SLIT3: variants seen among roughly 807,000 people sequenced by gnomAD.
The protein encoded by SLIT3 is slit homolog 3 protein.
A neutral mutation model predicts 184.0 loss-of-function variants in SLIT3; 68 were observed. That is an observed-to-expected ratio of 0.37 (90% CI 0.30 to 0.45). SLIT3 has a LOEUF of 0.45. Among genes scored for constraint, SLIT3 ranks in the 20% least tolerant of loss-of-function variants. SLIT3 has a pLI of 1.00. For synonymous variants in SLIT3, 831 were observed against 828.6 expected (o/e 1.00, Z -0.05); for missense variants, 1,707 against 2,026.0 (o/e 0.84, Z 3.02).
At chr5:169,084,615 T>G (rs548768526) in intron 4 of SLIT3, among the ~76,000 whole-genome samples, 1 of 152,204 alleles carries the variant, frequency 6.6e-6, no homozygotes, top group African/African-American at 2.4e-5. Flanking sequence ...GCCTCAAAAT[T>G]GGGATATTTT....
At chr5:169,007,597 T>A (rs978543500) in intron 4 of SLIT3, among the ~76,000 whole-genome samples, 1 of 152,250 alleles carries the variant, frequency 6.6e-6, no homozygotes, top group Non-Finnish European at 1.5e-5. Flanking sequence ...ATAGTCTGCA[T>A]GTGTTTGCCT....
intron 4 of SLIT3, among the ~76,000 whole-genome samples, chr5:169,039,061 G>T (rs371586075): frequency 1.2e-3 from 176 of 151,842 alleles, no homozygotes; most frequent in East Asian, 5.0e-3. Context: ...CTTTTTTTTT[G>T]ATTATACTTT....
At chr5:169,003,654 G>A (rs1362106592) in intron 4 of SLIT3, among the ~76,000 whole-genome samples, 1 of 152,190 alleles carries the variant, frequency 6.6e-6, no homozygotes, top group Non-Finnish European at 1.5e-5. Context: ...TCTCACCCAT[G>A]GCCTGCAATT....
chr5:168,704,360 C>G (rs1762315256), intron 26 of SLIT3, among the ~76,000 whole-genome samples: 1 of 152,174 alleles, frequency 6.6e-6, no homozygotes, highest in South Asian at 2.1e-4. Context: ...AGGCAAAGTA[C>G]ACACACAGCC....
chr5:168,913,772 A>G (rs796675233), intron 4 of SLIT3, among the ~76,000 whole-genome samples: 9 of 151,914 alleles, frequency 5.9e-5, no homozygotes, highest in African/African-American at 2.2e-4. Context: ...AAAAACAAAC[A>G]AACAAAAAAT....
intron 5 of SLIT3, among the ~76,000 whole-genome samples, chr5:168,854,014 G>A (rs541664879): frequency 6.6e-6 from 1 of 152,270 alleles, no homozygotes; most frequent in South Asian, 2.1e-4. Flanking sequence ...ACTTCAGAGA[G>A]TAGGACGAAT....
chr5:169,059,678 T>A (rs1001962900), intron 4 of SLIT3, among the ~76,000 whole-genome samples: 2 of 152,190 alleles, frequency 1.3e-5, no homozygotes, highest in Non-Finnish European at 2.9e-5. Context: ...CTTTAAAAAC[T>A]AAATGTCTGA....
chr5:169,076,369 A>G (rs1039590935), intron 4 of SLIT3, among the ~76,000 whole-genome samples: 1 of 152,192 alleles, frequency 6.6e-6, no homozygotes, highest in African/African-American at 2.4e-5. Flanking sequence ...TTCAGTAAAT[A>G]TTAGTAAAAT....
At position 168,723,007 on chromosome 5, in the gene SLIT3, A is replaced by T. The variant is rs766688480; in HGVS notation, c.2340-3T>A. 6.2e-7 allele frequency: 1 copy of T among 1,612,948 alleles called. No homozygotes were observed. Among genetic ancestry groups the T allele is most frequent in the East Asian group, 2.2e-5 (1 of 44,898 alleles). ...TGATGCTGTTGTTGCTCAGGTCACT[A>T]GGAAAAGTAAAACAGAGGGGTCATG... On this transcript the variant is annotated splice_polypyrimidine_tract_variant and splice_region_variant and intron_variant, in intron 21 of 35. Transcript: ENST00000519560.
chr5:169,056,768 G>A (rs1034030774), intron 4 of SLIT3, among the ~76,000 whole-genome samples: 4 of 152,160 alleles, frequency 2.6e-5, no homozygotes, highest in African/African-American at 2.4e-5. Flanking sequence ...CGGAGCTGAC[G>A]GTGCCCTGTG....
intron 18 of SLIT3, among the ~76,000 whole-genome samples, chr5:168,750,317 G>A (rs1031538655): frequency 6.6e-6 from 1 of 152,204 alleles, no homozygotes; most frequent in Non-Finnish European, 1.5e-5. Flanking sequence ...TACAGGACTG[G>A]GACCATGCCA....
intron 1 of SLIT3, among the ~76,000 whole-genome samples, chr5:169,280,219 T>C (rs1416621369): frequency 6.6e-6 from 1 of 152,198 alleles, no homozygotes; most frequent in Non-Finnish European, 1.5e-5. Context: ...TCCAAAATCC[T>C]CATGCAAGGA....
At chr5:168,858,845 A>T (rs1317221590) in intron 5 of SLIT3, among the ~76,000 whole-genome samples, 1 of 152,230 alleles carries the variant, frequency 6.6e-6, no homozygotes, top group Non-Finnish European at 1.5e-5. Context: ...GCACATCCCC[A>T]TCAACCATAC....
At chr5:169,211,184 T>C (rs768083217) in intron 3 of SLIT3, among the ~76,000 whole-genome samples, 1 of 152,152 alleles carries the variant, frequency 6.6e-6, no homozygotes, top group Non-Finnish European at 1.5e-5. Context: ...ATGACCCATA[T>C]ACAAAGAAAA....
intron 4 of SLIT3, among the ~76,000 whole-genome samples, chr5:169,065,719 C>G: frequency 6.6e-6 from 1 of 152,192 alleles, no homozygotes. Flanking sequence ...CAAATCCTCC[C>G]GGATAGCCCA....
Position 168,685,673 on chromosome 5 carries a change from A to AGGGCG in SLIT3, c.3555+9_3555+13dup. 1 of 1,527,086 alleles carries AGGGCG rather than the reference A, an allele frequency of 6.5e-7. No individual in the cohort carries two copies. The highest frequency in any genetic ancestry group is 8.8e-7 in the Non-Finnish European group (1 of 1,133,972). The allele number at this position is 1,527,086 out of a possible 1,614,324, so 94.6% of individuals were successfully genotyped here. On this transcript the variant is annotated intron_variant, in intron 31 of 35. Transcript: ENST00000519560. Reference sequence around the variant, plus strand: ...GTTGAGGTCCTTCCAAGGGCAGGGCAGGGCGGGACACACCTGCAGGGAGAT... The same window carrying AGGGCG: ...GTTGAGGTCCTTCCAAGGGCAGGGCAGGGCGGGGCGGGACACACCTGCAGGGAGAT...
At chr5:169,011,185 C>T (rs1756131988) in intron 4 of SLIT3, among the ~76,000 whole-genome samples, 2 of 152,150 alleles carry the variant, frequency 1.3e-5, no homozygotes, top group African/African-American at 4.8e-5. Flanking sequence ...GCCCAGGCTC[C>T]AGCATCCCAG....
chr5:169,289,260 C>T (rs150606710), intron 1 of SLIT3, among the ~76,000 whole-genome samples: 92 of 152,294 alleles, frequency 6.0e-4, no homozygotes, highest in African/African-American at 2.1e-3. Context: ...CACTTAGAAT[C>T]CCCATACTCA....
chr5:168,805,312 GGGA>G (rs1756916427), intron 9 of SLIT3, among the ~76,000 whole-genome samples: 1 of 152,110 alleles, frequency 6.6e-6, no homozygotes, highest in Non-Finnish European at 1.5e-5. Context: ...CACAGGGAAG[GGGA>G]GGAGGGGGAA....
Sources: gnomAD v4.1 joint callset for allele counts (sites outside exome capture counted in the v4.1 genomes callset) on GRCh38, gnomAD v4.1.1 for gene constraint, MANE v1.5 for transcripts, NCBI Gene and HGNC (gene_info 2026-07-23, HGNC 2026-07-21) for gene names.